CSNK2A2: variants seen among roughly 807,000 people sequenced by gnomAD.
The protein encoded by CSNK2A2 is casein kinase 2 alpha 2.
Under a neutral mutation model 54.0 loss-of-function variants are expected in CSNK2A2, and 8 were observed. The ratio of observed to expected loss-of-function variants is 0.15; its 90% confidence interval spans 0.09 to 0.27. The LOEUF (loss-of-function observed/expected upper bound fraction) is 0.27, where lower values mean the gene tolerates loss of function less well. Ranked by LOEUF, CSNK2A2 falls within the 10% of genes least tolerant of loss-of-function variation. CSNK2A2 has a pLI of 1.00. For synonymous variants in CSNK2A2, 141 were observed against 153.9 expected, an observed-to-expected ratio of 0.92 and a Z score of 0.62; for missense variants, 242 against 439.4, an observed-to-expected ratio of 0.55 and a Z score of 4.02.
At chr16:58,180,628 C>A (rs1354648605) in intron 4 of CSNK2A2, among the ~76,000 whole-genome samples, 1 of 152,028 alleles carries the variant, frequency 6.6e-6, no homozygotes, top group Non-Finnish European at 1.5e-5. Flanking sequence ...GGAAAAGCTA[C>A]CCAATCTATC....
At chr16:58,176,856 C>T (rs1462238394) in intron 4 of CSNK2A2, among the ~76,000 whole-genome samples, 1 of 152,226 alleles carries the variant, frequency 6.6e-6, no homozygotes, top group African/African-American at 2.4e-5. Context: ...GTGGTAACCT[C>T]AGGTTCTCAA....
intron 11 of CSNK2A2, among the ~76,000 whole-genome samples, chr16:58,159,374 C>T (rs1961256411): frequency 2.0e-5 from 3 of 152,130 alleles, no homozygotes; most frequent in South Asian, 4.1e-4. Context: ...GTCTGAGTGG[C>T]GCGACTCAGA....
chr16:58,164,935 G>GT (rs1567462924), intron 10 of CSNK2A2, among the ~76,000 whole-genome samples: 1 of 152,214 alleles, frequency 6.6e-6, no homozygotes, highest in African/African-American at 2.4e-5. Context: ...AGCGACTGAG[G>GT]TAAGTCTCTC....
intron 4 of CSNK2A2, 48 bp downstream of exon 4, chr16:58,184,212 C>G (rs1962135487): frequency 2.9e-5 from 41 of 1,417,420 alleles, no homozygotes; most frequent in Non-Finnish European, 3.7e-5. Flanking sequence ...TTATCACCAG[C>G]TCCCCCTCAC....
Position 58,184,314 on chromosome 16 carries a change from T to C in CSNK2A2, c.319-4A>G, listed in dbSNP as rs1962137669. On this transcript the variant is annotated splice_region_variant and splice_polypyrimidine_tract_variant and intron_variant, in intron 3 of 11. Coordinates refer to ENST00000262506, the MANE Select transcript of CSNK2A2 (RefSeq NM_001896.4). Reference sequence around the variant, plus strand: ...ATACCAAAGCTGGTGTCTTTGACTGTAAAAGAGAATATTAATGCTTTTTAA... The same window carrying C: ...ATACCAAAGCTGGTGTCTTTGACTGCAAAAGAGAATATTAATGCTTTTTAA... 1 of 1,579,756 alleles carries C rather than the reference T, an allele frequency of 6.3e-7. No homozygotes were observed. The highest frequency in any genetic ancestry group is 1.7e-5 in the Admixed American group (1 of 58,878).
intron 5 of CSNK2A2, among the ~76,000 whole-genome samples, chr16:58,171,316 GT>G (rs1443925026): frequency 5.3e-5 from 8 of 152,176 alleles, no homozygotes; most frequent in South Asian, 2.1e-4. Context: ...GAGGTCAGGA[GT>G]TTTGAGACCA....
intron 2 of CSNK2A2, among the ~76,000 whole-genome samples, chr16:58,191,736 A>G (rs1962326610): frequency 6.6e-6 from 1 of 152,174 alleles, no homozygotes; most frequent in Non-Finnish European, 1.5e-5. Flanking sequence ...TCTCATTAGG[A>G]GAACACTACA....
chr16:58,178,001 T>C (rs907688460), intron 4 of CSNK2A2, among the ~76,000 whole-genome samples: 2 of 152,188 alleles, frequency 1.3e-5, no homozygotes, highest in Non-Finnish European at 2.9e-5. Context: ...GACAAAATAA[T>C]GTTAACGACC....
chr16:58,182,948 A>C (rs1962095553), intron 4 of CSNK2A2, among the ~76,000 whole-genome samples: 1 of 152,214 alleles, frequency 6.6e-6, no homozygotes, highest in South Asian at 2.1e-4. Flanking sequence ...AAAATCTGTC[A>C]CATGTGGGAA....
intron 4 of CSNK2A2, among the ~76,000 whole-genome samples, chr16:58,176,334 A>G (rs2142426953): frequency 6.6e-6 from 1 of 152,304 alleles, no homozygotes; most frequent in South Asian, 2.1e-4. Flanking sequence ...AAGCCATAAA[A>G]ATAAATGTCT....
At chr16:58,172,829 T>C (rs1048500292) in intron 5 of CSNK2A2, among the ~76,000 whole-genome samples, 3 of 152,200 alleles carry the variant, frequency 2.0e-5, no homozygotes, top group Non-Finnish European at 2.9e-5. Flanking sequence ...AATAAGTATA[T>C]GTCCTCACTG....
chr16:58,172,366 GGGGTT>G (rs1300933251), intron 5 of CSNK2A2, among the ~76,000 whole-genome samples: 1 of 152,148 alleles, frequency 6.6e-6, no homozygotes, highest in Non-Finnish European at 1.5e-5. Flanking sequence ...TATGAAACCA[GGGGTT>G]GTGAGGGCAG....
Position 58,166,571 on chromosome 16 carries a change from C to T in CSNK2A2, c.827+13G>A. ...GGGTAAGGTAAAGCACTCTCTCTCT[C>T]TCTCTTACTTACTGTCCCAGGATAT... On this transcript the variant is annotated intron_variant, in intron 9 of 11. Coordinates refer to ENST00000262506, the MANE Select transcript of CSNK2A2 (RefSeq NM_001896.4). 1 of 1,566,804 alleles carries T rather than the reference C, an allele frequency of 6.4e-7. No individual in the cohort carries two copies. The highest frequency in any genetic ancestry group is 1.7e-5 in the Admixed American group (1 of 59,970).
At chr16:58,172,242 C>T (rs1461628871) in intron 5 of CSNK2A2, among the ~76,000 whole-genome samples, 2 of 151,960 alleles carry the variant, frequency 1.3e-5, no homozygotes, top group African/African-American at 2.4e-5. Flanking sequence ...ACACAAACAT[C>T]CAAAAGACTG....
chr16:58,187,309 G>C (rs1962215796), intron 2 of CSNK2A2, among the ~76,000 whole-genome samples: 1 of 152,042 alleles, frequency 6.6e-6, no homozygotes, highest in African/African-American at 2.4e-5. Flanking sequence ...CCAGTTCACT[G>C]ACATCAGGTT....
intron 2 of CSNK2A2, among the ~76,000 whole-genome samples, chr16:58,188,117 T>C (rs760243589): frequency 2.0e-5 from 3 of 152,168 alleles, no homozygotes; most frequent in Non-Finnish European, 2.9e-5. Context: ...GTCACTAAGA[T>C]ACAGCTTTGA....
intron 4 of CSNK2A2, among the ~76,000 whole-genome samples, chr16:58,180,075 T>C (rs1216156420): frequency 8.3e-6 from 1 of 121,026 alleles, no homozygotes; most frequent in Non-Finnish European, 1.6e-5. Flanking sequence ...CGAGACTCCT[T>C]CTCAAAAAAA....
chr16:58,193,312 T>C (rs1331557149), intron 2 of CSNK2A2, among the ~76,000 whole-genome samples: 1 of 152,192 alleles, frequency 6.6e-6, no homozygotes, highest in African/African-American at 2.4e-5. Flanking sequence ...TGCCCATCCT[T>C]TTAACACTAC....
chr16:58,168,052 T>C lies in CSNK2A2; in HGVS notation c.514-257A>G, dbSNP rs561346777. On this transcript the variant is annotated intron_variant, in intron 6 of 11. Coordinates refer to ENST00000262506, the MANE Select transcript of CSNK2A2 (RefSeq NM_001896.4). ...TAGATCAACAGAGCTCAACCTTTTT[T>C]TCTGCCCACATTCAGAAACTGTAGG... Among the ~76,000 whole-genome samples, 14 of 152,344 alleles carry C rather than the reference T, an allele frequency of 9.2e-5. No homozygotes were observed. The South Asian group carries it at 1.5e-3, about 16-fold the overall frequency.
Sources: allele counts gnomAD v4.1 joint callset (sites outside exome capture counted in the v4.1 genomes callset), GRCh38; gene constraint gnomAD v4.1.1; transcripts MANE v1.5; gene names NCBI Gene and HGNC (gene_info 2026-07-23, HGNC 2026-07-21).